The following PITPNC1 variants were observed in gnomAD, a reference collection of about 807,000 sequenced individuals.
The protein encoded by PITPNC1 is cytoplasmic phosphatidylinositol transfer protein 1.
A neutral mutation model predicts 44.7 loss-of-function variants in PITPNC1; 18 were observed. That is an observed-to-expected ratio of 0.40 (90% CI 0.28 to 0.60). PITPNC1 has a LOEUF of 0.60. Ranked by LOEUF, PITPNC1 falls within the 20% of genes least tolerant of loss-of-function variation. PITPNC1 has a pLI of 0.39. For synonymous variants in PITPNC1, 141 were observed against 149.6 expected, an observed-to-expected ratio of 0.94 and a Z score of 0.42; for missense variants, 290 against 418.4, an observed-to-expected ratio of 0.69 and a Z score of 2.68.
chr17:67,602,124 A>G (rs1323421394), intron 5 of PITPNC1, among the ~76,000 whole-genome samples: 1 of 152,224 alleles, frequency 6.6e-6, no homozygotes, highest in Non-Finnish European at 1.5e-5. Flanking sequence ...GCGTTTTCCC[A>G]GCTGTGCTTT....
intron 1 of PITPNC1, among the ~76,000 whole-genome samples, chr17:67,444,315 A>G (rs986133474): frequency 3.3e-5 from 5 of 152,114 alleles, no homozygotes; most frequent in African/African-American, 1.2e-4. Flanking sequence ...CTTGGAAGCA[A>G]GTTATGAAGG....
intron 6 of PITPNC1, chr17:67,638,547 C>T (rs1200260664): frequency 1.3e-5 from 2 of 152,140 alleles, no homozygotes; most frequent in South Asian, 2.1e-4. Context: ...TTCAGACATA[C>T]CTCCAGGGCA....
intron 1 of PITPNC1, among the ~76,000 whole-genome samples, chr17:67,410,428 G>A (rs1337113461): frequency 6.6e-6 from 1 of 152,178 alleles, no homozygotes; most frequent in African/African-American, 2.4e-5. Context: ...ACCCAGGCGG[G>A]AGTGCGGTGC....
At position 67,515,628 on chromosome 17, in the gene PITPNC1, G is replaced by A. The variant is rs147059494; in HGVS notation, c.49-17174G>A. Among the ~76,000 whole-genome samples, 178 of 152,268 alleles carry A rather than the reference G, an allele frequency of 1.2e-3. 1 individual carries two copies. The highest frequency in any genetic ancestry group is 3.7e-3 in the East Asian group (19 of 5,186). ...GAGAGTGTGGGCTGGGCGTGGAGCC[G>A]GCTGCCTTTACTGGACGAACTCTGA... On this transcript the variant is annotated intron_variant, in intron 1 of 8. Transcript: ENST00000581322.
chr17:67,495,051 T>TTTC (rs2039929698), intron 1 of PITPNC1, among the ~76,000 whole-genome samples: 1 of 49,660 alleles, frequency 2.0e-5, no homozygotes, highest in Non-Finnish European at 4.2e-5. Flanking sequence ...TTTTTTTTTT[T>TTTC]GTTTTTTTTT....
intron 1 of PITPNC1, among the ~76,000 whole-genome samples, chr17:67,381,326 CAAAAAA>C: frequency 2.0e-5 from 1 of 51,162 alleles, no homozygotes; most frequent in African/African-American, 7.3e-5. Flanking sequence ...AGACTCCACT[CAAAAAA>C]AAAAAAAAAA....
chr17:67,515,129 C>T (rs2040241936), intron 1 of PITPNC1, among the ~76,000 whole-genome samples: 1 of 152,206 alleles, frequency 6.6e-6, no homozygotes, highest in Admixed American at 6.5e-5. Flanking sequence ...GGCTGACCTT[C>T]ATTCCGCTGT....
intron 2 of PITPNC1, among the ~76,000 whole-genome samples, chr17:67,544,131 A>G (rs2040645630): frequency 6.6e-6 from 1 of 152,188 alleles, no homozygotes; most frequent in African/African-American, 2.4e-5. Context: ...GATTACAGGC[A>G]TGAGCCACCA....
rs1180701616 is a variant in PITPNC1, at chr17:67,381,468, C to CTT, written c.48+3281_48+3282dup. 6.6e-3 allele frequency among the ~76,000 whole-genome samples: 892 copies of CTT among 135,634 alleles called. 11 individuals are homozygous for CTT. The highest frequency in any genetic ancestry group is 0.022 in the African/African-American group (828 of 36,994). 89.0% of individuals were successfully genotyped at this position (135,634 alleles called of 152,430 possible). The stretch of plus-strand genomic sequence containing the variant: ...GAACTTCTGGAACTTGTTTCTCTCT[C>CTT]TTTTTTTTTTTTTTTTGAGACGGAA... On this transcript the variant is annotated intron_variant, in intron 1 of 8. Transcript: ENST00000581322.
rs2042162118 is a variant in PITPNC1 at position 67,647,464 on chromosome 17, G to GTTTTTTTTGTTTTTTTTTTTTTTTTTTT, written c.462+15234_462+15235insGTTTTTTTTTTTTTTTTTTTTTTTTTTT. On this transcript the variant is annotated intron_variant, in intron 6 of 8. Coordinates refer to ENST00000581322, the MANE Select transcript of PITPNC1 (RefSeq NM_012417.4). ...CACCATCACACCCAGCTAATTTTGG[G>GTTTTTTTTGTTTTTTTTTTTTTTTTTTT]TTTTTTTTTTTTTTTTTTTTTTTTT... Among the ~76,000 whole-genome samples the GTTTTTTTTGTTTTTTTTTTTTTTTTTTT allele has an allele frequency of 9.7e-4, 70 of 72,354 alleles. 2 individuals are homozygous for GTTTTTTTTGTTTTTTTTTTTTTTTTTTT. Among genetic ancestry groups the GTTTTTTTTGTTTTTTTTTTTTTTTTTTT allele is most frequent in the African/African-American group, 2.9e-3 (65 of 22,264 alleles). 47.5% of individuals were successfully genotyped at this position (72,354 alleles called of 152,430 possible).
chr17:67,576,051 A>G (rs1033927399), intron 4 of PITPNC1, among the ~76,000 whole-genome samples: 1 of 151,418 alleles, frequency 6.6e-6, no homozygotes, highest in Non-Finnish European at 1.5e-5. Flanking sequence ...TAATTCTTGT[A>G]TTTTTAGTAA....
intron 8 of PITPNC1, among the ~76,000 whole-genome samples, chr17:67,681,554 A>G (rs1040070669): frequency 6.8e-6 from 1 of 146,228 alleles, no homozygotes; most frequent in Non-Finnish European, 1.5e-5. Context: ...GGCTGCAGGG[A>G]ACTATGGTCA....
chr17:67,634,775 G>A (rs1329693547), intron 6 of PITPNC1, among the ~76,000 whole-genome samples: 2 of 152,170 alleles, frequency 1.3e-5, no homozygotes, highest in South Asian at 2.1e-4. Context: ...ATTTCAGGCC[G>A]GGCGCAGTGC....
At chr17:67,452,072 A>G (rs1027417524) in intron 1 of PITPNC1, among the ~76,000 whole-genome samples, 8 of 151,602 alleles carry the variant, frequency 5.3e-5, no homozygotes, top group African/African-American at 1.9e-4. Flanking sequence ...GAGTGCAATC[A>G]CAGTTCACTG....
At chr17:67,633,252 G>A (rs1444958170) in intron 6 of PITPNC1, among the ~76,000 whole-genome samples, 1 of 152,180 alleles carries the variant, frequency 6.6e-6, no homozygotes, top group Non-Finnish European at 1.5e-5. Context: ...TCCTTGAGCC[G>A]TAACACGTGG....
In PITPNC1 at chr17:67,601,598, T is replaced by A. The variant is rs1338820104; in HGVS notation, c.366+23341T>A. On this transcript the variant is annotated intron_variant, in intron 5 of 8. Coordinates refer to ENST00000581322, the MANE Select transcript of PITPNC1 (RefSeq NM_012417.4). ...AGACCCCATCTCTACAAAAAAAAAATTAAAAAATTTGGCAAGCATGGTGGT... is the reference window on the plus strand; with the variant it reads ...AGACCCCATCTCTACAAAAAAAAAAATAAAAAATTTGGCAAGCATGGTGGT... 8.6e-5 allele frequency among the ~76,000 whole-genome samples: 13 copies of A among 151,462 alleles called. 1 individual carries two copies. In the East Asian group the frequency reaches 2.1e-3, roughly 25 times the overall value.
chr17:67,603,252 A>G (rs952273338), intron 5 of PITPNC1, among the ~76,000 whole-genome samples: 5 of 152,138 alleles, frequency 3.3e-5, no homozygotes, highest in Non-Finnish European at 7.3e-5. Context: ...TTTCTCATCA[A>G]AAGCAAGGCA....
rs550827044 is a variant in PITPNC1, at chr17:67,617,560, A to G, written c.367-14583A>G. Among the ~76,000 whole-genome samples, 5 of 152,292 alleles carry G rather than the reference A, an allele frequency of 3.3e-5. No homozygotes were observed. In the South Asian group the frequency reaches 1.0e-3, roughly 32 times the overall value. On this transcript the variant is annotated intron_variant, in intron 5 of 8. Coordinates refer to ENST00000581322, the MANE Select transcript of PITPNC1 (RefSeq NM_012417.4). ...TTGTAATAGTTTCCCAGGGCCGCCA[A>G]AACAAATCATCACAAATTGGGTGGT...
chr17:67,394,887 C>G (rs974277215), intron 1 of PITPNC1, among the ~76,000 whole-genome samples: 3 of 151,302 alleles, frequency 2.0e-5, no homozygotes, highest in African/African-American at 7.3e-5. Context: ...AGAGTGAGAC[C>G]CCGTCTCGAG....
Sources: allele counts gnomAD v4.1 joint callset (sites outside exome capture counted in the v4.1 genomes callset), GRCh38; gene constraint gnomAD v4.1.1; transcripts MANE v1.5; gene names NCBI Gene and HGNC (gene_info 2026-07-23, HGNC 2026-07-21).